The following GPR50 variants were observed in gnomAD, a reference collection of about 807,000 sequenced individuals.
GPR50 encodes the protein melatonin-related receptor.
Under a neutral mutation model 2.6 loss-of-function variants are expected in GPR50, and 1 was observed. That is an observed-to-expected ratio of 0.38 (90% confidence interval 0.13 to 1.79). GPR50 has a LOEUF of 1.79. GPR50 is among the 40% of genes most tolerant of loss of function. The probability of loss-of-function intolerance (pLI) is 0.33; values close to 1 mark genes in which losing one functional copy is unlikely to be tolerated. For missense variants in GPR50, 535 were observed against 522.1 expected, an observed-to-expected ratio of 1.02 and a Z score of -0.24; for synonymous variants, 233 against 202.3, an observed-to-expected ratio of 1.15 and a Z score of -1.29.
downstream of GPR50, chrX:151,182,763 A>C (rs1040638796): frequency 8.9e-6 from 1 of 112,920 alleles, no homozygotes; most frequent in African/African-American, 3.2e-5. Flanking sequence ...TTACTGTATG[A>C]AAGCTTGTGA....
chrX:151,176,795 C>T lies in GPR50; in HGVS notation c.74C>T (p.Pro25Leu), dbSNP rs376483511. The change falls in exon 1 of 2, where the codon CCG (proline) becomes CTG (leucine). Residue 25 changes from proline (P) to leucine (L), a missense_variant. By Grantham distance (98) the Pro-to-Leu change is moderately conservative. Coordinates refer to ENST00000218316, the MANE Select transcript of GPR50 (RefSeq NM_004224.3). ...GCKLPQPEYP[P>L]ALIIFMFCAM... is the part of the protein sequence containing the mutation. ...AAGCTACCCCAGCCAGAATACCCAC[C>T]GGCTCTAATCATCTTTATGTTCTGC... 126 of 1,200,015 alleles carry T rather than the reference C, an allele frequency of 1.0e-4. No homozygotes were observed. Among genetic ancestry groups the T allele is most frequent in the East Asian group, 7.7e-4 (26 of 33,578 alleles).
chrX:151,179,597 G>C (rs2048699675), intron 1 of GPR50, among the ~76,000 whole-genome samples, 174 bp from the exon 2 acceptor site: 1 of 111,674 alleles, frequency 9.0e-6, no homozygotes, highest in Admixed American at 9.5e-5. Flanking sequence ...GCTCACTGCT[G>C]TCTGTCTTAT....
chrX:151,177,294 G>C (rs1261668297), intron 1 of GPR50: 1 of 130,132 alleles, frequency 7.7e-6, no homozygotes, highest in Non-Finnish European at 1.5e-5. Context: ...GAGGCAGCGC[G>C]GACCGAACTG....
chrX:151,180,836 T>C lies in GPR50; in HGVS notation c.1253T>C (p.Leu418Pro). ...FSHSKAASGH[L>P]KPVSGHSKPA... ...CACTCCAAGGCTGCCTCTGGTCACCTCAAGCCTGTCTCTGGCCACTCCAAG... is the reference window on the plus strand; with the variant it reads ...CACTCCAAGGCTGCCTCTGGTCACCCCAAGCCTGTCTCTGGCCACTCCAAG... The change falls in exon 2 of 2, where the codon CTC (leucine) becomes CCC (proline). Residue 418 changes from leucine (L) to proline (P), a missense_variant. Coordinates refer to ENST00000218316, the MANE Select transcript of GPR50 (RefSeq NM_004224.3). 8.3e-7 allele frequency: 1 copy of C among 1,209,910 alleles called. No individual in the cohort carries two copies. Among genetic ancestry groups the C allele is most frequent in the Non-Finnish European group, 1.1e-6 (1 of 894,710 alleles).
At chrX:151,177,872 G>GGGCCGGGGGCCGGC (rs2048689597) in intron 1 of GPR50, 1 of 112,642 alleles carries the variant, frequency 8.9e-6, no homozygotes, top group Non-Finnish European at 1.9e-5. Flanking sequence ...AGGAGGCCGG[G>GGGCCGGGGGCCGGC]GGCCGGGGGC....
At chrX:151,177,132 C>T (rs1425041518) in intron 1 of GPR50, among the ~76,000 whole-genome samples, 1 of 112,661 alleles carries the variant, frequency 8.9e-6, no homozygotes, top group Non-Finnish European at 1.9e-5. Flanking sequence ...CTTTGGGCAT[C>T]CAAGTACAAA....
In GPR50 at chrX:151,176,698, A is replaced by G; in HGVS notation, c.-24A>G. ...CTGCTGATCCTGAGCCTGCTGGGAG[A>G]TCTTAACGATCCCCAGGAGCAACAT... On this transcript the variant is annotated 5_prime_UTR_variant, in exon 1 of 2. Coordinates refer to ENST00000218316, the MANE Select transcript of GPR50 (RefSeq NM_004224.3). 1.8e-6 allele frequency: 2 copies of G among 1,118,148 alleles called. No individual in the cohort carries two copies. Among genetic ancestry groups the G allele is most frequent in the Non-Finnish European group, 2.4e-6 (2 of 832,557 alleles). The allele number at this position is 1,118,148 out of a possible 1,213,427, so 92.1% of individuals were successfully genotyped here.
intron 1 of GPR50, chrX:151,177,496 A>C (rs1225862948): frequency 8.9e-6 from 1 of 112,316 alleles, no homozygotes; most frequent in Non-Finnish European, 1.9e-5. Flanking sequence ...CCCGCGCCCG[A>C]GAATCGAGCA....
At chrX:151,177,274 C>T (rs992391620) in intron 1 of GPR50, 1 of 140,990 alleles carries the variant, frequency 7.1e-6, no homozygotes, top group Non-Finnish European at 1.4e-5. Flanking sequence ...GCCGCAAGGG[C>T]GGCCGCGCTG....
chrX:151,180,346 G>A lies in GPR50; in HGVS notation c.763G>A (p.Val255Met), dbSNP rs201906872. Residue 255 changes from valine to methionine, a missense_variant, in exon 2 of 2, where the codon GTG becomes ATG. By Grantham distance (21) the Val-to-Met change is conservative (BLOSUM62 1). Coordinates refer to ENST00000218316, the MANE Select transcript of GPR50 (RefSeq NM_004224.3). ...LFAVCWCPIN[V>M]LTVLVAVSPK... The stretch of plus-strand genomic sequence containing the variant: ...TGCAGTGTGCTGGTGCCCTATCAAC[G>A]TGCTCACTGTCTTGGTGGCTGTCAG... 5.0e-6 allele frequency: 6 copies of A among 1,207,688 alleles called. No individual in the cohort carries two copies. The highest frequency in any genetic ancestry group is 2.2e-5 in the Admixed American group (1 of 45,679).
downstream of GPR50, among the ~76,000 whole-genome samples, chrX:151,182,121 A>G (rs1161081535): frequency 8.9e-6 from 1 of 112,550 alleles, no homozygotes; most frequent in East Asian, 2.8e-4. Flanking sequence ...GGGCACACCA[A>G]ATTATTTCTA....
At chrX:151,178,818 T>C (rs1214958722) in intron 1 of GPR50, among the ~76,000 whole-genome samples, 1 of 112,186 alleles carries the variant, frequency 8.9e-6, no homozygotes, top group Non-Finnish European at 1.9e-5. Flanking sequence ...CTCTTTTTTG[T>C]GAAAGGTTTT....
At chrX:151,181,542 C>T, downstream of GPR50, 1 of 543,339 alleles carries the variant, frequency 1.8e-6, no homozygotes, top group Non-Finnish European at 3.0e-6. Flanking sequence ...GACACTGACA[C>T]ATAGAGATGG....
In GPR50 at chrX:151,180,413, T is replaced by C. The variant is rs1374888611; in HGVS notation, c.830T>C (p.Leu277Pro). ...GGCAAGATCCCCAACTGGCTTTATCTTGCAGCCTACTTCATAGCCTACTTC... is the reference window on the plus strand; with the variant it reads ...GGCAAGATCCCCAACTGGCTTTATCCTGCAGCCTACTTCATAGCCTACTTC... ...MAGKIPNWLYLAAYFIAYFNS... is the reference protein window; with the variant it reads ...MAGKIPNWLYPAAYFIAYFNS... Residue 277 changes from leucine to proline, a missense_variant, in exon 2 of 2, where the codon CTT becomes CCT. By Grantham distance (98) the Leu-to-Pro change is moderately conservative (BLOSUM62 -3). Coordinates refer to ENST00000218316, the MANE Select transcript of GPR50 (RefSeq NM_004224.3). The C allele has an allele frequency of 1.7e-6, 2 of 1,211,595 alleles. No homozygotes were observed. The highest frequency in any genetic ancestry group is 2.2e-6 in the Non-Finnish European group (2 of 895,395).
In GPR50 at chrX:151,176,649, C is replaced by CA; in HGVS notation, c.-72dup. The CA allele has an allele frequency of 4.4e-6, 3 of 682,882 alleles. No individual in the cohort carries two copies. Among genetic ancestry groups the CA allele is most frequent in the Middle Eastern group, 5.2e-4 (1 of 1,924 alleles). 56.3% of individuals were successfully genotyped at this position (682,882 alleles called of 1,213,427 possible). ...TTTCCTGGAGCTCCTGGTGACAGAA[C>CA]AGGTGTTTGCTGTCTGGACCTGGCT... is the stretch of plus-strand genomic sequence containing the variant. On this transcript the variant is annotated 5_prime_UTR_variant, in exon 1 of 2. Transcript: ENST00000218316.
In GPR50 at chrX:151,180,471, C is replaced by T. The variant is rs769893611; in HGVS notation, c.888C>T (p.Leu296=). 1 of 1,208,887 alleles carries T rather than the reference C, an allele frequency of 8.3e-7. No individual in the cohort carries two copies. The highest frequency in any genetic ancestry group is 1.1e-6 in the Non-Finnish European group (1 of 894,567). The change falls in exon 2 of 2, where the codon CTC becomes CTT. Residue 296 remains leucine (L), a synonymous_variant. Transcript: ENST00000218316. ...GCCTCAACGCTGTGATCTACGGGCT[C>T]CTCAATGAGAATTTCCGAAGAGAAT... is the stretch of plus-strand genomic sequence containing the variant. ...NSCLNAVIYG[L]LNENFRREYW... is the part of the protein sequence containing the mutation.
chrX:151,180,435 C>T lies in GPR50; in HGVS notation c.852C>T (p.Tyr284=). 1 of 1,211,515 alleles carries T rather than the reference C, an allele frequency of 8.3e-7. No individual in the cohort carries two copies. Among genetic ancestry groups the T allele is most frequent in the Non-Finnish European group, 1.1e-6 (1 of 895,349 alleles). The change falls in exon 2 of 2, where the codon TAC becomes TAT. Residue 284 remains tyrosine (Y), a synonymous_variant. Transcript: ENST00000218316. ...ATCTTGCAGCCTACTTCATAGCCTA[C>T]TTCAACAGCTGCCTCAACGCTGTGA... ...WLYLAAYFIA[Y]FNSCLNAVIY...
intron 1 of GPR50, among the ~76,000 whole-genome samples, 164 bp downstream of exon 1, chrX:151,177,072 G>A (rs2048684058): frequency 8.9e-6 from 1 of 112,131 alleles, no homozygotes; most frequent in Non-Finnish European, 1.9e-5. Flanking sequence ...ATTCTGTCCC[G>A]GCCCTCTAAA....
Position 151,176,925 on chromosome X carries a change from T to C in GPR50, c.187+17T>C. On this transcript the variant is annotated intron_variant, in intron 1 of 1. Transcript: ENST00000218316. Reference sequence around the variant, plus strand: ...GGAATTCTGGTAAGCCACCCCTTCTTCTCCCTACCCAGTGTGCAGAGACTT... The same window carrying C: ...GGAATTCTGGTAAGCCACCCCTTCTCCTCCCTACCCAGTGTGCAGAGACTT... The C allele has an allele frequency of 1.2e-5, 14 of 1,152,323 alleles. No individual in the cohort carries two copies. Among genetic ancestry groups the C allele is most frequent in the Non-Finnish European group, 1.7e-5 (14 of 845,973 alleles). The allele number at this position is 1,152,323 out of a possible 1,213,427, so 95.0% of individuals were successfully genotyped here.
Sources: allele counts gnomAD v4.1 joint callset (sites outside exome capture counted in the v4.1 genomes callset), GRCh38; gene constraint gnomAD v4.1.1; transcripts MANE v1.5; gene names NCBI Gene and HGNC (gene_info 2026-07-23, HGNC 2026-07-21).